WASHC4: variants seen among roughly 807,000 people sequenced by gnomAD.
The protein encoded by WASHC4 is WASH complex subunit 7.
Under a neutral mutation model 166.6 loss-of-function variants are expected in WASHC4, and 86 were observed. The observed-to-expected ratio is 0.52, with a 90% confidence interval of 0.43 to 0.62. The LOEUF is 0.62. Among genes scored for constraint, WASHC4 ranks in the 20% least tolerant of loss-of-function variants. The pLI, the probability that WASHC4 is intolerant of heterozygous loss-of-function variation, is 0.00. For missense variants in WASHC4, 1,262 were observed against 1,382.4 expected (o/e 0.91, Z 1.38); for synonymous variants, 446 against 451.6 (o/e 0.99, Z 0.16).
At chr12:105,145,527 T>C (rs1186246845) in intron 22 of WASHC4, among the ~76,000 whole-genome samples, 2 of 152,066 alleles carry the variant, frequency 1.3e-5, no homozygotes, top group Non-Finnish European at 2.9e-5. Flanking sequence ...GATCAGTTTG[T>C]ATATCCTTTC....
At chr12:105,151,568 G>A (rs910757376) in intron 25 of WASHC4, among the ~76,000 whole-genome samples, 17 of 151,530 alleles carry the variant, frequency 1.1e-4, no homozygotes, top group African/African-American at 2.4e-4. Context: ...TGCAGCCTCC[G>A]CCTCTTGGGT....
At chr12:105,139,425 G>GTGTGTGTATA in intron 15 of WASHC4, among the ~76,000 whole-genome samples, 20 of 103,226 alleles carry the variant, frequency 1.9e-4, no homozygotes, top group African/African-American at 7.1e-4. Context: ...ATGTGTGTGT[G>GTGTGTGTATA]TATATATATA....
At chr12:105,118,669 A>G in intron 7 of WASHC4, 141 bp downstream of exon 7, 2 of 694,428 alleles carry the variant, frequency 2.9e-6, no homozygotes, top group Admixed American at 2.1e-5. Context: ...CTTGATGTGT[A>G]TCATACGTAG....
At chr12:105,126,150 G>T in intron 11 of WASHC4, 23 bp downstream of exon 11, 2 of 1,612,672 alleles carry the variant, frequency 1.2e-6, no homozygotes, top group Non-Finnish European at 1.7e-6. Flanking sequence ...GCATTTTTTG[G>T]TTTTTGTTTA....
chr12:105,138,498 C>A (rs1246924529), intron 15 of WASHC4, among the ~76,000 whole-genome samples: 1 of 152,018 alleles, frequency 6.6e-6, no homozygotes, highest in African/African-American at 2.4e-5. Context: ...GGACTACTTA[C>A]AGAGGTGGTC....
chr12:105,129,259 A>G (rs972953926), intron 13 of WASHC4, among the ~76,000 whole-genome samples: 6 of 151,852 alleles, frequency 4.0e-5, no homozygotes, highest in Non-Finnish European at 7.4e-5. Flanking sequence ...TAATTTTTGT[A>G]TTTTTAGTAG....
At chr12:105,147,609 G>C (rs1379030209) in intron 24 of WASHC4, 2 of 1,005,300 alleles carry the variant, frequency 2.0e-6, no homozygotes, top group African/African-American at 3.5e-5. Flanking sequence ...AATCTTCTTA[G>C]AAATGGGCAT....
intron 25 of WASHC4, among the ~76,000 whole-genome samples, chr12:105,151,103 C>G (rs1372131032): frequency 7.4e-6 from 1 of 135,798 alleles, no homozygotes; most frequent in Middle Eastern, 4.2e-3. Flanking sequence ...CGAGATAATG[C>G]CACTGCTCTC....
chr12:105,166,756 G>A (rs1884833002), intron 32 of WASHC4, 108 bp from the exon 33 acceptor site: 8 of 758,594 alleles, frequency 1.1e-5, no homozygotes, highest in Non-Finnish European at 1.8e-5. Context: ...GGATGCAACT[G>A]TAATTTGAAG....
Position 105,144,871 on chromosome 12 carries a change from A to T in WASHC4, c.2333A>T (p.Gln778Leu). The T allele has an allele frequency of 6.2e-7, 1 of 1,611,210 alleles. No individual in the cohort carries two copies. Among genetic ancestry groups the T allele is most frequent in the Non-Finnish European group, 8.5e-7 (1 of 1,178,958 alleles). Residue 778 changes from glutamine to leucine, a missense_variant and splice_region_variant, in exon 22 of 33, where the codon CAG (glutamine) becomes CTG (leucine). Coordinates refer to ENST00000332180, the MANE Select transcript of WASHC4 (RefSeq NM_015275.3). ...CATCTTCCCAGTCAGACTTTGGAAC[A>T]GGTATAGTATAAAATGTTTTTTTTA... ...EAHLPSQTLE[Q>L]GLDVLEIMRN... is the part of the protein sequence containing the mutation.
intron 19 of WASHC4, 112 bp downstream of exon 19, chr12:105,142,670 T>G (rs912178739): frequency 1.5e-6 from 1 of 672,532 alleles, no homozygotes; most frequent in East Asian, 2.7e-5. Flanking sequence ...ATTGACTGTT[T>G]TGTAAACTGC....
rs1326705667 is a variant in WASHC4, at chr12:105,123,295, C to T, written c.786+1057C>T. ...CGCCATTGCACTCCAGCTTGGGCGACGAGGGAGACTCCATCTTTTAGGGGG... is the reference window on the plus strand; with the variant it reads ...CGCCATTGCACTCCAGCTTGGGCGATGAGGGAGACTCCATCTTTTAGGGGG... On this transcript the variant is annotated intron_variant, in intron 10 of 32. Coordinates refer to ENST00000332180, the MANE Select transcript of WASHC4 (RefSeq NM_015275.3). Among the ~76,000 whole-genome samples, 7 of 151,866 alleles carry T rather than the reference C, an allele frequency of 4.6e-5. No individual in the cohort carries two copies. In the South Asian group the frequency reaches 8.3e-4, roughly 18 times the overall value.
chr12:105,114,463 ACAT>A (rs61418036), intron 4 of WASHC4, 36 bp downstream of exon 4: 147,497 of 1,343,314 alleles, frequency 0.11, 11,615 homozygotes, highest in African/African-American at 0.35. Flanking sequence ...AACTTTAAAA[ACAT>A]CATTTAGAAG....
intron 13 of WASHC4, among the ~76,000 whole-genome samples, chr12:105,132,791 T>A (rs1332766805): frequency 9.9e-5 from 1 of 10,104 alleles, no homozygotes; most frequent in African/African-American, 2.9e-4. Flanking sequence ...AGAGGTAGTG[T>A]GTGTGTGTGT....
intron 13 of WASHC4, among the ~76,000 whole-genome samples, chr12:105,132,754 C>T (rs545430651): frequency 6.7e-6 from 1 of 148,750 alleles, no homozygotes; most frequent in Non-Finnish European, 1.5e-5. Context: ...GTAGTACCTG[C>T]CTCATAAAGT....
chr12:105,130,328 T>G (rs1296922701), intron 13 of WASHC4, among the ~76,000 whole-genome samples: 1 of 152,208 alleles, frequency 6.6e-6, no homozygotes, highest in Non-Finnish European at 1.5e-5. Flanking sequence ...TGTAGTCTCC[T>G]TCACTAAAGC....
chr12:105,111,078 A>G (rs1238073311), intron 1 of WASHC4, 47 bp from the exon 2 acceptor site: 14 of 1,425,048 alleles, frequency 9.8e-6, no homozygotes, highest in Non-Finnish European at 1.3e-5. Context: ...ATGTCCTGCA[A>G]TTCATTACTT....
chr12:105,156,882 G>C, intron 27 of WASHC4, 90 bp downstream of exon 27: 1 of 943,718 alleles, frequency 1.1e-6, no homozygotes, highest in Non-Finnish European at 1.7e-6. Context: ...TTGTAGATAA[G>C]GTGTTTGTTC....
chr12:105,120,989 C>T (rs1880684041), intron 8 of WASHC4, 112 bp from the exon 9 acceptor site: 2 of 733,278 alleles, frequency 2.7e-6, no homozygotes, highest in Admixed American at 4.0e-5. Context: ...TTGATTTACC[C>T]ACTACTTTTA....
Sources: allele counts gnomAD v4.1 joint callset (sites outside exome capture counted in the v4.1 genomes callset), GRCh38; gene constraint gnomAD v4.1.1; transcripts MANE v1.5; gene names NCBI Gene and HGNC (gene_info 2026-07-23, HGNC 2026-07-21).